The following AKAP6 variants were observed in gnomAD, a reference collection of about 807,000 sequenced individuals.
AKAP6 encodes the protein A-kinase anchor protein 6.
In AKAP6, 58 loss-of-function variants were observed where a neutral mutation model predicts 188.5. The ratio of observed to expected loss-of-function variants is 0.31; its 90% CI spans 0.25 to 0.38. The LOEUF is 0.38. Among genes scored for constraint, AKAP6 ranks in the 10% least tolerant of loss-of-function variants. The pLI, the probability that AKAP6 is intolerant of heterozygous loss-of-function variation, is 1.00. For missense variants in AKAP6, 2,710 were observed against 2,740.0 expected (o/e 0.99, Z 0.24); for synonymous variants, 989 against 998.6 (o/e 0.99, Z 0.18).
chr14:32,582,176 T>G (rs1402031975), intron 5 of AKAP6, among the ~76,000 whole-genome samples: 3 of 152,088 alleles, frequency 2.0e-5, no homozygotes, highest in Non-Finnish European at 4.4e-5. Context: ...AGGAGCTCTT[T>G]TAGGGCAGGC....
rs1293081539 is a variant in AKAP6 at position 32,831,557 on chromosome 14, A to G, written c.*1752A>G. On this transcript the variant is annotated 3_prime_UTR_variant, in exon 14 of 14. Coordinates refer to ENST00000280979, the MANE Select transcript of AKAP6 (RefSeq NM_004274.5). ...CAGAAACACTTTTTATCTGCAAGGC[A>G]CTATTCTAGATCCAGAAGATGCAAT... is the stretch of plus-strand genomic sequence containing the variant. 1 of 152,254 alleles carries G rather than the reference A, an allele frequency of 6.6e-6. No homozygotes were observed. The highest frequency in any genetic ancestry group is 1.5e-5 in the Non-Finnish European group (1 of 68,048). 9.4% of individuals were successfully genotyped at this position (152,254 alleles called of 1,614,324 possible).
At chr14:32,422,523 C>CA (rs1303939170) in intron 1 of AKAP6, among the ~76,000 whole-genome samples, 2 of 152,172 alleles carry the variant, frequency 1.3e-5, no homozygotes, top group Non-Finnish European at 2.9e-5. Context: ...TGACAATGCA[C>CA]ATGGAATACC....
chr14:32,715,789 G>A (rs1334806462), intron 9 of AKAP6, among the ~76,000 whole-genome samples: 1 of 151,596 alleles, frequency 6.6e-6, no homozygotes, highest in Non-Finnish European at 1.5e-5. Flanking sequence ...TAAAATTCTA[G>A]TGAATTCCTA....
At position 32,654,983 on chromosome 14, in the gene AKAP6, A is replaced by G. The variant is rs540166953; in HGVS notation, c.2731-23328A>G. Reference sequence around the variant, plus strand: ...AGAATTTGCAACCACAATCTTGTTTATTACACAATTTTTGGGTGGTAAAAT... The same window carrying G: ...AGAATTTGCAACCACAATCTTGTTTGTTACACAATTTTTGGGTGGTAAAAT... On this transcript the variant is annotated intron_variant, in intron 7 of 13. Coordinates refer to ENST00000280979, the MANE Select transcript of AKAP6 (RefSeq NM_004274.5). Among the ~76,000 whole-genome samples the G allele has an allele frequency of 2.6e-5, 4 of 152,346 alleles. No individual in the cohort carries two copies. The East Asian group carries it at 7.7e-4, about 29-fold the overall frequency.
chr14:32,634,952 A>C (rs1287628244), intron 7 of AKAP6, among the ~76,000 whole-genome samples: 7 of 151,744 alleles, frequency 4.6e-5, no homozygotes, highest in Non-Finnish European at 1.5e-5. Context: ...TTACATGAGT[A>C]AGTTCTTTAG....
intron 12 of AKAP6, among the ~76,000 whole-genome samples, chr14:32,777,994 G>A (rs1180573110): frequency 2.0e-5 from 3 of 152,154 alleles, no homozygotes; most frequent in African/African-American, 4.8e-5. Context: ...AGCTGTGTTT[G>A]TGCCACTGCA....
rs1884294216 is a variant in AKAP6 at position 32,568,260 on chromosome 14, A to C, written c.2347-8860A>C. On this transcript the variant is annotated intron_variant, in intron 4 of 13. Coordinates refer to ENST00000280979, the MANE Select transcript of AKAP6 (RefSeq NM_004274.5). The surrounding 1 kb of genome is among the most constrained non-coding windows in gnomAD (Gnocchi z 6.2). ...GGTTAGAGAGAGAATATAGCACAGT[A>C]GTCCAGAGCTTAGACCCTGGAACAA... is the stretch of plus-strand genomic sequence containing the variant. 6.6e-6 allele frequency among the ~76,000 whole-genome samples: 1 copy of C among 152,184 alleles called. No individual in the cohort carries two copies. Among genetic ancestry groups the C allele is most frequent in the South Asian group, 2.1e-4 (1 of 4,828 alleles).
chr14:32,416,695 C>T (rs1303224040), intron 1 of AKAP6, among the ~76,000 whole-genome samples: 2 of 151,826 alleles, frequency 1.3e-5, no homozygotes, highest in African/African-American at 4.8e-5. Flanking sequence ...GCTGAGATTA[C>T]AGGTGCCCAC....
At chr14:32,622,149 A>T (rs1469250320) in intron 7 of AKAP6, among the ~76,000 whole-genome samples, 2 of 152,246 alleles carry the variant, frequency 1.3e-5, no homozygotes, top group East Asian at 1.9e-4. Context: ...CTATCTAGTT[A>T]GTTCCTACTA....
chr14:32,528,004 A>G (rs1882216855), intron 2 of AKAP6, among the ~76,000 whole-genome samples: 1 of 152,188 alleles, frequency 6.6e-6, no homozygotes, highest in African/African-American at 2.4e-5. Context: ...TGTTGTATCT[A>G]TTAACAAAAA....
At chr14:32,696,190 A>C in intron 9 of AKAP6, 80 bp downstream of exon 9, 1 of 1,506,070 alleles carries the variant, frequency 6.6e-7, no homozygotes, top group South Asian at 1.4e-5. Context: ...CTCTCAGGAT[A>C]TCTTTTCGTT....
At chr14:32,713,384 A>G (rs1372814636) in intron 9 of AKAP6, among the ~76,000 whole-genome samples, 18 of 152,006 alleles carry the variant, frequency 1.2e-4, no homozygotes, top group Admixed American at 1.2e-3. Context: ...GCCTCTCACA[A>G]GAGGGTCAGC....
chr14:32,549,711 G>C (rs549328121), intron 4 of AKAP6, among the ~76,000 whole-genome samples: 2 of 152,362 alleles, frequency 1.3e-5, no homozygotes, highest in African/African-American at 4.8e-5. Flanking sequence ...AGTCCCGGAA[G>C]GGAGGATTTT....
chr14:32,569,014 T>C (rs924610162), intron 4 of AKAP6, among the ~76,000 whole-genome samples: 10 of 152,232 alleles, frequency 6.6e-5, no homozygotes, highest in Admixed American at 3.9e-4. Flanking sequence ...TGAATCCCTT[T>C]CCCATCATAA....
intron 11 of AKAP6, among the ~76,000 whole-genome samples, chr14:32,742,401 T>C (rs2031720967): frequency 6.6e-6 from 1 of 151,972 alleles, no homozygotes; most frequent in Non-Finnish European, 1.5e-5. Context: ...TCTTTTCTTC[T>C]ACTAATTTTG....
Position 32,824,409 on chromosome 14 carries a change from G to A in AKAP6, c.6596G>A (p.Ser2199Asn), listed in dbSNP as rs767712429. Residue 2199 changes from serine to asparagine, a missense_variant, in exon 13 of 14, where the codon AGT (serine) becomes AAT (asparagine). Physicochemically the swap from Ser to Asn is conservative, Grantham distance 46. Transcript: ENST00000280979. ...GCAACAGCATGTTCTTCTGAGTTCA[G>A]TGATAGTTCTCTTTCAGCTGATGAT... is the stretch of plus-strand genomic sequence containing the variant. ...LQATACSSEFSDSSLSADDAD... is the reference protein window; with the variant it reads ...LQATACSSEFNDSSLSADDAD... The A allele has an allele frequency of 1.2e-6, 2 of 1,613,836 alleles. No individual in the cohort carries two copies. The highest frequency in any genetic ancestry group is 1.3e-5 in the African/African-American group (1 of 74,916).
At chr14:32,535,993 A>G (rs1412548605) in intron 3 of AKAP6, among the ~76,000 whole-genome samples, 188 bp downstream of exon 3, 1 of 152,260 alleles carries the variant, frequency 6.6e-6, no homozygotes, top group Non-Finnish European at 1.5e-5. Flanking sequence ...GACCAGAGTT[A>G]GCTCATACCT....
chr14:32,339,875 A>G (rs1296873051), intron 1 of AKAP6, among the ~76,000 whole-genome samples: 1 of 152,168 alleles, frequency 6.6e-6, no homozygotes, highest in Non-Finnish European at 1.5e-5. Context: ...ATTCAAAACA[A>G]TCTTTGAAGT....
At chr14:32,785,293 A>G (rs1333561188) in intron 12 of AKAP6, among the ~76,000 whole-genome samples, 1 of 152,212 alleles carries the variant, frequency 6.6e-6, no homozygotes, top group Non-Finnish European at 1.5e-5. Context: ...GAGAAATAAC[A>G]GAATAAAGAA....
Sources: allele counts gnomAD v4.1 joint callset (sites outside exome capture counted in the v4.1 genomes callset), GRCh38; gene constraint gnomAD v4.1.1; non-coding constraint Gnocchi (gnomAD v3.1); transcripts MANE v1.5; gene names NCBI Gene and HGNC (gene_info 2026-07-23, HGNC 2026-07-21).